The following PTPRD variants were observed in gnomAD, a reference collection of about 807,000 sequenced individuals.
PTPRD encodes the protein receptor-type tyrosine-protein phosphatase delta.
PTPRD carries 34 observed loss-of-function variants against 214.5 expected under a neutral mutation model. The observed-to-expected ratio is 0.16, with a 90% CI of 0.12 to 0.21. The LOEUF is 0.21. PTPRD is among the 10% of genes least tolerant of loss of function. The probability of loss-of-function intolerance (pLI) is 1.00; values close to 1 mark genes in which losing one functional copy is unlikely to be tolerated. For synonymous variants in PTPRD, 1,128 were observed against 845.7 expected (o/e 1.33, Z -5.79); for missense variants, 2,545 against 2,398.7 (o/e 1.06, Z -1.27).
At chr9:9,168,382 C>T (rs1028954087) in intron 10 of PTPRD, among the ~76,000 whole-genome samples, 1 of 151,924 alleles carries the variant, frequency 6.6e-6, no homozygotes, top group Non-Finnish European at 1.5e-5. Flanking sequence ...ATTTTTATTG[C>T]CTTTTCCATA....
intron 3 of PTPRD, among the ~76,000 whole-genome samples, chr9:10,324,146 T>C (rs1565295981): frequency 6.6e-6 from 1 of 152,194 alleles, no homozygotes; most frequent in Middle Eastern, 3.4e-3. Flanking sequence ...ATGAGAACAC[T>C]GAGGATTGAT....
At chr9:9,917,789 T>C (rs943351747) in intron 5 of PTPRD, among the ~76,000 whole-genome samples, 7 of 152,122 alleles carry the variant, frequency 4.6e-5, no homozygotes, top group African/African-American at 1.7e-4. Flanking sequence ...TGGATTAACA[T>C]GCAAATCAAT....
At chr9:9,082,602 A>G (rs925983283) in intron 10 of PTPRD, among the ~76,000 whole-genome samples, 2 of 152,172 alleles carry the variant, frequency 1.3e-5, no homozygotes, top group Non-Finnish European at 2.9e-5. Flanking sequence ...GAAAAGAGGA[A>G]GTCAAATTGT....
intron 14 of PTPRD, among the ~76,000 whole-genome samples, chr9:8,567,296 T>C (rs1379095688): frequency 1.3e-5 from 2 of 152,194 alleles, no homozygotes; most frequent in Admixed American, 1.3e-4. Flanking sequence ...CTGCCTGTAA[T>C]CCTGTTCCCT....
At chr9:9,704,211 G>T (rs1349122173) in intron 7 of PTPRD, among the ~76,000 whole-genome samples, 2 of 151,776 alleles carry the variant, frequency 1.3e-5, no homozygotes, top group African/African-American at 2.4e-5. Flanking sequence ...ACATTTTAAC[G>T]AACTATTGTC....
chr9:9,473,494 G>C (rs1231769287), intron 8 of PTPRD, among the ~76,000 whole-genome samples: 1 of 152,138 alleles, frequency 6.6e-6, no homozygotes, highest in Non-Finnish European at 1.5e-5. Context: ...ACCCAGGAGT[G>C]AGATTGCTGG....
rs529553953 is a variant in PTPRD, at chr9:8,645,738, T to C, written c.65-8894A>G. On this transcript the variant is annotated intron_variant, in intron 12 of 45. Transcript: ENST00000381196. ...ATCTCCCACTTGCACTTTCTATCAA[T>C]GTTAGGTTATTATTTCTAACTGCTT... 2.7e-3 allele frequency among the ~76,000 whole-genome samples: 367 copies of C among 134,340 alleles called. 7 individuals are homozygous for C. Among genetic ancestry groups the C allele is most frequent in the Non-Finnish European group, 2.3e-3 (144 of 61,596 alleles). The allele number at this position is 134,340 out of a possible 152,430, so 88.1% of individuals were successfully genotyped here.
chr9:8,747,771 G>A (rs556672952), intron 11 of PTPRD, among the ~76,000 whole-genome samples: 2 of 152,178 alleles, frequency 1.3e-5, no homozygotes, highest in Admixed American at 1.3e-4. Flanking sequence ...CTTTCACTTA[G>A]GCATTGATAG....
intron 2 of PTPRD, among the ~76,000 whole-genome samples, chr9:10,383,669 A>G (rs769694902): frequency 5.9e-5 from 9 of 151,808 alleles, no homozygotes; most frequent in Non-Finnish European, 1.3e-4. Flanking sequence ...TTTCATCTGC[A>G]CCATTTCTAA....
intron 2 of PTPRD, among the ~76,000 whole-genome samples, chr9:10,592,321 T>G: frequency 6.6e-6 from 1 of 152,014 alleles, no homozygotes; most frequent in East Asian, 1.9e-4. Context: ...GCCAATTTAA[T>G]TACCCTTTGG....
intron 7 of PTPRD, among the ~76,000 whole-genome samples, chr9:9,729,022 T>C (rs2098139655): frequency 6.6e-6 from 1 of 152,164 alleles, no homozygotes; most frequent in African/African-American, 2.4e-5. Context: ...GAGAATTATT[T>C]CAAAGTCTAA....
intron 27 of PTPRD, 112 bp downstream of exon 27, chr9:8,492,750 G>C: frequency 1.6e-6 from 1 of 637,630 alleles, no homozygotes; most frequent in Non-Finnish European, 2.5e-6. Flanking sequence ...GTTGACCATA[G>C]TCCATTTATT....
chr9:10,148,220 C>T lies in PTPRD; in HGVS notation c.-544-114430G>A, dbSNP rs1001454501. ...GTACTTCTAATTCTTAGTAGCTTTC[C>T]GGGAAAGAAGGCAACACTCACAGAT... On this transcript the variant is annotated intron_variant, in intron 3 of 45. Coordinates refer to ENST00000381196, the MANE Select transcript of PTPRD (RefSeq NM_002839.4). Among the ~76,000 whole-genome samples the T allele has an allele frequency of 3.9e-5, 6 of 152,082 alleles. No individual in the cohort carries two copies. The South Asian group carries it at 1.0e-3, about 26-fold the overall frequency.
intron 10 of PTPRD, among the ~76,000 whole-genome samples, chr9:9,171,990 A>G (rs190556795): frequency 2.4e-3 from 368 of 152,272 alleles, no homozygotes; most frequent in African/African-American, 8.5e-3. Context: ...CAAAACAAGA[A>G]GCATGTCTTT....
At chr9:10,140,251 C>A (rs1400683805) in intron 3 of PTPRD, among the ~76,000 whole-genome samples, 2 of 151,634 alleles carry the variant, frequency 1.3e-5, no homozygotes, top group African/African-American at 2.4e-5. Flanking sequence ...AAACAAATAA[C>A]CCCATGAAAA....
chr9:9,121,441 C>CAAGTGGAT (rs201873638), intron 10 of PTPRD, among the ~76,000 whole-genome samples: 3,433 of 152,096 alleles, frequency 0.023, 68 homozygotes, highest in East Asian at 0.07. Context: ...CATCAATCAA[C>CAAGTGGAT]AAAGAAACTT....
At chr9:9,008,955 A>T (rs984402362) in intron 11 of PTPRD, among the ~76,000 whole-genome samples, 2 of 152,218 alleles carry the variant, frequency 1.3e-5, no homozygotes, top group Non-Finnish European at 2.9e-5. Flanking sequence ...GGAAAATCTG[A>T]TATCATATAA....
chr9:9,071,015 G>C (rs1232582394), intron 10 of PTPRD, among the ~76,000 whole-genome samples: 1 of 152,142 alleles, frequency 6.6e-6, no homozygotes, highest in Non-Finnish European at 1.5e-5. Flanking sequence ...CTGGGCCCAA[G>C]TGATCCTCCC....
chr9:10,107,881 T>C (rs1264999972), intron 3 of PTPRD, among the ~76,000 whole-genome samples: 1 of 152,152 alleles, frequency 6.6e-6, no homozygotes, highest in East Asian at 1.9e-4. Context: ...ACTTCCTTAG[T>C]TCAACATACT....
Sources: gnomAD v4.1 joint callset for allele counts (sites outside exome capture counted in the v4.1 genomes callset) on GRCh38, gnomAD v4.1.1 for gene constraint, MANE v1.5 for transcripts, NCBI Gene and HGNC (gene_info 2026-07-23, HGNC 2026-07-21) for gene names.